RBFOX1: variants seen among roughly 807,000 people sequenced by gnomAD.
RBFOX1 encodes RNA binding protein fox-1 homolog 1.
A neutral mutation model predicts 57.7 loss-of-function variants in RBFOX1; 8 were observed. The ratio of observed to expected loss-of-function variants is 0.14; its 90% confidence interval spans 0.08 to 0.25. The LOEUF is 0.25. Ranked by LOEUF, RBFOX1 falls within the 10% of genes least tolerant of loss-of-function variation. The probability of loss-of-function intolerance (pLI) is 1.00; values close to 1 mark genes in which losing one functional copy is unlikely to be tolerated. For synonymous variants in RBFOX1, 326 were observed against 222.4 expected, an observed-to-expected ratio of 1.47 and a Z score of -4.15; for missense variants, 611 against 548.5, an observed-to-expected ratio of 1.11 and a Z score of -1.14.
At chr16:7,163,221 T>C (rs1459902803) in intron 4 of RBFOX1, among the ~76,000 whole-genome samples, 1 of 151,802 alleles carries the variant, frequency 6.6e-6, no homozygotes, top group Non-Finnish European at 1.5e-5. Flanking sequence ...GCAGGGGGAG[T>C]CTACTGGCCA....
intron 5 of RBFOX1, among the ~76,000 whole-genome samples, chr16:7,569,513 G>A (rs1212416518): frequency 6.6e-6 from 1 of 152,150 alleles, no homozygotes; most frequent in Non-Finnish European, 1.5e-5. Flanking sequence ...CAGGACCCTG[G>A]TGATTATACA....
chr16:5,953,185 G>C (rs778851672), intron 4 of RBFOX1, among the ~76,000 whole-genome samples: 1 of 152,146 alleles, frequency 6.6e-6, no homozygotes, highest in Admixed American at 6.5e-5. Context: ...AAGACCAAGT[G>C]CCCTGGGGCC....
chr16:6,326,302 A>T (rs1392641678), intron 2 of RBFOX1, among the ~76,000 whole-genome samples: 1 of 152,184 alleles, frequency 6.6e-6, no homozygotes, highest in African/African-American at 2.4e-5. Flanking sequence ...AAACAAACAG[A>T]TATGGTGCTG....
chr16:6,332,509 C>G (rs1003201777), intron 2 of RBFOX1, among the ~76,000 whole-genome samples: 1 of 152,206 alleles, frequency 6.6e-6, no homozygotes, highest in African/African-American at 2.4e-5. Flanking sequence ...GGAGACATGA[C>G]TGACTGTGAC....
chr16:7,472,531 G>A (rs558161855), intron 4 of RBFOX1, among the ~76,000 whole-genome samples: 10 of 152,264 alleles, frequency 6.6e-5, no homozygotes, highest in Non-Finnish European at 1.2e-4. Flanking sequence ...TTTAGAATGC[G>A]ATATTTATGC....
In RBFOX1 at chr16:7,650,204, T is replaced by C. The variant is rs997477402; in HGVS notation, c.758-3611T>C. Among the ~76,000 whole-genome samples, 3 of 152,194 alleles carry C rather than the reference T, an allele frequency of 2.0e-5. No individual in the cohort carries two copies. The South Asian group carries it at 6.3e-4, about 32-fold the overall frequency. On this transcript the variant is annotated intron_variant, in intron 11 of 15. Transcript: ENST00000550418. ...CACGAAAGGGCCCCTTGGCCAGCCC[T>C]AGATTAACAAGAAAGAGACCACTGA...
chr16:7,707,707 C>G (rs541415232), intron 14 of RBFOX1, among the ~76,000 whole-genome samples: 3 of 152,190 alleles, frequency 2.0e-5, no homozygotes, highest in South Asian at 2.1e-4. Flanking sequence ...CAGCTAATGC[C>G]GAAAACTTAT....
intron 3 of RBFOX1, among the ~76,000 whole-genome samples, chr16:6,730,888 A>C (rs7196961): frequency 0.071 from 10,767 of 152,156 alleles, 940 homozygotes; most frequent in African/African-American, 0.18. Context: ...CTTGAATTAG[A>C]ATTACCAAAT....
At chr16:5,455,736 C>T (rs183455216) in intron 1 of RBFOX1, among the ~76,000 whole-genome samples, 25 of 152,232 alleles carry the variant, frequency 1.6e-4, no homozygotes, top group African/African-American at 5.3e-4. Context: ...TGCCCATTCT[C>T]CTAATAGAAA....
At chr16:7,496,806 A>T (rs895084597) in intron 4 of RBFOX1, among the ~76,000 whole-genome samples, 1 of 151,150 alleles carries the variant, frequency 6.6e-6, no homozygotes, top group Non-Finnish European at 1.5e-5. Context: ...CTTTTAGAAA[A>T]TAAAAAATAA....
At chr16:6,494,902 G>T (rs1340151034) in intron 2 of RBFOX1, among the ~76,000 whole-genome samples, 1 of 152,140 alleles carries the variant, frequency 6.6e-6, no homozygotes, top group African/African-American at 2.4e-5. Context: ...ATGCCAGGCT[G>T]TATTCTAAGC....
chr16:7,373,599 A>G (rs755455896), intron 4 of RBFOX1, among the ~76,000 whole-genome samples: 17 of 152,338 alleles, frequency 1.1e-4, no homozygotes, highest in East Asian at 1.9e-4. Context: ...CAGCCAGTCT[A>G]TAATTGTCAG....
chr16:7,567,489 ATATGTATATCCCTATGTATGGCCC>A (rs2092108403), intron 5 of RBFOX1, among the ~76,000 whole-genome samples: 2 of 24,768 alleles, frequency 8.1e-5, no homozygotes, highest in African/African-American at 2.6e-4. Context: ...GTATGGCCCT[ATATGTATATCCCTATGTATGGCCC>A]TATATATATA....
intron 3 of RBFOX1, among the ~76,000 whole-genome samples, chr16:5,619,572 G>C (rs571019521): frequency 3.9e-5 from 6 of 152,152 alleles, no homozygotes; most frequent in African/African-American, 1.2e-4. Context: ...ACTGCCTCCG[G>C]ACAGAGCTTT....
chr16:5,981,240 C>T (rs569948522), intron 4 of RBFOX1, among the ~76,000 whole-genome samples: 1 of 152,308 alleles, frequency 6.6e-6, no homozygotes, highest in Admixed American at 6.5e-5. Context: ...ACAGGAAAGA[C>T]AGGGATTGGA....
At chr16:7,518,570 G>A (rs1290729493) in intron 5 of RBFOX1, among the ~76,000 whole-genome samples, 181 bp downstream of exon 5, 1 of 152,086 alleles carries the variant, frequency 6.6e-6, no homozygotes, top group Admixed American at 6.5e-5. Flanking sequence ...CATTCTTAGC[G>A]TTCATTTAAA....
intron 4 of RBFOX1, among the ~76,000 whole-genome samples, chr16:7,191,925 T>G (rs1048492383): frequency 1.4e-4 from 22 of 152,200 alleles, no homozygotes; most frequent in Admixed American, 1.4e-3. Flanking sequence ...AGGAACATCA[T>G]TGTGATAATA....
intron 4 of RBFOX1, among the ~76,000 whole-genome samples, chr16:7,411,135 G>C (rs569943322): frequency 2.0e-5 from 3 of 151,968 alleles, no homozygotes; most frequent in Non-Finnish European, 4.4e-5. Flanking sequence ...TAGTAGAGAC[G>C]GGGTTTTGTC....
intron 2 of RBFOX1, among the ~76,000 whole-genome samples, chr16:6,545,056 C>G (rs1480314925): frequency 6.6e-6 from 1 of 152,148 alleles, no homozygotes; most frequent in Non-Finnish European, 1.5e-5. Context: ...TCCAATAGGA[C>G]TGAGTTGAAT....
Sources: gnomAD v4.1 joint callset for allele counts (sites outside exome capture counted in the v4.1 genomes callset) on GRCh38, gnomAD v4.1.1 for gene constraint, MANE v1.5 for transcripts, NCBI Gene and HGNC (gene_info 2026-07-23, HGNC 2026-07-21) for gene names.